The following MTR variants were observed in gnomAD, a reference collection of about 807,000 sequenced individuals.
The protein encoded by MTR is 5-methyltetrahydrofolate-homocysteine methyltransferase, also known as methionine synthase.
A neutral mutation model predicts 154.8 loss-of-function variants in MTR; 84 were observed. The observed-to-expected ratio is 0.54, with a 90% CI of 0.45 to 0.65. MTR has a LOEUF of 0.65. MTR is among the 30% of genes least tolerant of loss of function. The probability of loss-of-function intolerance (pLI) is 0.00; values close to 1 mark genes in which losing one functional copy is unlikely to be tolerated. For missense variants in MTR, 1,275 were observed against 1,570.2 expected (o/e 0.81, Z 3.18); for synonymous variants, 554 against 553.9 (o/e 1.00, Z 0.00).
At chr1:236,876,999 T>C (rs951837639) in intron 24 of MTR, among the ~76,000 whole-genome samples, 7 of 152,248 alleles carry the variant, frequency 4.6e-5, no homozygotes, top group African/African-American at 1.7e-4. Context: ...CTTCTGGTTC[T>C]CTTCTCTTCC....
chr1:236,814,437 G>A (rs762457661), intron 6 of MTR, among the ~76,000 whole-genome samples: 69 of 152,282 alleles, frequency 4.5e-4, no homozygotes, highest in Admixed American at 4.6e-4. Flanking sequence ...CTAAGTTTTC[G>A]AATGTGTGGC....
At chr1:236,825,476 G>T (rs1662237841) in intron 10 of MTR, 77 bp downstream of exon 10, 1 of 1,386,974 alleles carries the variant, frequency 7.2e-7, no homozygotes, top group South Asian at 1.2e-5. Context: ...TTTAGAAGGA[G>T]AATTTTCCCT....
intron 32 of MTR, among the ~76,000 whole-genome samples, 182 bp downstream of exon 32, chr1:236,897,300 C>CCACACACACA (rs1553331006): frequency 6.5e-5 from 2 of 30,714 alleles, no homozygotes; most frequent in Non-Finnish European, 1.7e-4. Flanking sequence ...TACATGCAAG[C>CCACACACACA]CACACACACG....
chr1:236,900,262 C>A lies in MTR; in HGVS notation c.*2618C>A. On this transcript the variant is annotated 3_prime_UTR_variant, in exon 33 of 33. Coordinates refer to ENST00000366577, the MANE Select transcript of MTR (RefSeq NM_000254.3). ...AAATGAGTGAACTACAGCTATACCT[C>A]ACAATAAGAATGAATCTCAGAAAAT... is the stretch of plus-strand genomic sequence containing the variant. 1 of 253,254 alleles carries A rather than the reference C, an allele frequency of 3.9e-6. No homozygotes were observed. Among genetic ancestry groups the A allele is most frequent in the African/African-American group, 2.2e-5 (1 of 44,844 alleles). 15.7% of individuals were successfully genotyped at this position (253,254 alleles called of 1,614,324 possible).
intron 8 of MTR, chr1:236,820,379 C>G (rs1214558310): frequency 1.2e-6 from 1 of 805,768 alleles, no homozygotes; most frequent in African/African-American, 1.7e-5. Context: ...GCAGATTGGT[C>G]TGAGGCATGC....
intron 30 of MTR, chr1:236,894,951 T>C (rs565183691): frequency 1.7e-5 from 6 of 352,580 alleles, no homozygotes; most frequent in South Asian, 2.8e-5. Context: ...TTCATCTTCC[T>C]CTGCATGGAA....
intron 24 of MTR, 24 bp from the exon 25 acceptor site, chr1:236,880,731 T>C: frequency 6.3e-7 from 1 of 1,599,112 alleles, no homozygotes; most frequent in Non-Finnish European, 8.6e-7. Context: ...ATGGATATAT[T>C]TTCTTTCTGA....
chr1:236,837,994 G>A (rs1189993244), intron 14 of MTR, among the ~76,000 whole-genome samples: 1 of 152,000 alleles, frequency 6.6e-6, no homozygotes, highest in African/African-American at 2.4e-5. Flanking sequence ...TAAAGGGAAG[G>A]TTGAATTTGA....
At chr1:236,811,896 T>A (rs888212135) in intron 5 of MTR, among the ~76,000 whole-genome samples, 10 of 152,226 alleles carry the variant, frequency 6.6e-5, no homozygotes, top group Admixed American at 5.9e-4. Flanking sequence ...TCAACGATGT[T>A]ACAAGAGGAC....
At chr1:236,808,665 A>G (rs1318352699) in intron 3 of MTR, 39 bp from the exon 4 acceptor site, 4 of 1,592,952 alleles carry the variant, frequency 2.5e-6, no homozygotes, top group African/African-American at 2.7e-5. Flanking sequence ...TGTGCGGAGG[A>G]AAAGAAGGAC....
At chr1:236,822,555 C>G (rs1662029582) in intron 8 of MTR, among the ~76,000 whole-genome samples, 1 of 152,104 alleles carries the variant, frequency 6.6e-6, no homozygotes, top group Non-Finnish European at 1.5e-5. Context: ...GGTGATCCAC[C>G]TGCCTTGGCC....
intron 8 of MTR, 101 bp from the exon 9 acceptor site, chr1:236,824,018 A>G: frequency 1.0e-6 from 1 of 993,336 alleles, no homozygotes. Flanking sequence ...GAGGAGATTT[A>G]TTATCCACTT....
At chr1:236,890,574 G>T (rs999863727) in intron 28 of MTR, among the ~76,000 whole-genome samples, 2 of 152,180 alleles carry the variant, frequency 1.3e-5, no homozygotes, top group Non-Finnish European at 2.9e-5. Flanking sequence ...AGGATTTACC[G>T]AGTCTGAGTG....
At chr1:236,894,727 C>A (rs1666528383) in intron 30 of MTR, 170 bp downstream of exon 30, 6 of 657,850 alleles carry the variant, frequency 9.1e-6, no homozygotes, top group Admixed American at 2.9e-5. Flanking sequence ...TATTATGTAT[C>A]CCCAGATTGC....
intron 15 of MTR, among the ~76,000 whole-genome samples, chr1:236,847,479 A>G (rs1039026164): frequency 2.6e-5 from 4 of 152,228 alleles, no homozygotes; most frequent in Non-Finnish European, 5.9e-5. Context: ...GAGCTTCTTA[A>G]GTAAAGCCTT....
At chr1:236,863,621 A>T (rs1237157141) in intron 22 of MTR, 67 bp downstream of exon 22, 1 of 1,344,652 alleles carries the variant, frequency 7.4e-7, no homozygotes, top group Non-Finnish European at 1.1e-6. Context: ...TAACAGAATA[A>T]TTCTTCAATG....
At chr1:236,866,280 G>A (rs1624004) in intron 22 of MTR, among the ~76,000 whole-genome samples, 38 of 151,896 alleles carry the variant, frequency 2.5e-4, no homozygotes, top group Non-Finnish European at 2.9e-4. Context: ...CCTTATTATT[G>A]TATCTGTTAT....
In MTR at chr1:236,803,475, A is replaced by G. The variant is rs1660803727; in HGVS notation, c.82A>G (p.Lys28Glu). 2 of 1,614,214 alleles carry G rather than the reference A, an allele frequency of 1.2e-6. No homozygotes were observed. Among genetic ancestry groups the G allele is most frequent in the East Asian group, 4.5e-5 (2 of 44,888 alleles). The change falls in exon 2 of 33, where the codon AAG (lysine) becomes GAG (glutamate). Residue 28 changes from lysine to glutamate, a missense_variant. By Grantham distance (56) the Lys-to-Glu change is moderately conservative. Transcript: ENST00000366577. Reference protein sequence around the residue: ...LRDEINAILQKRIMVLDGGMG... With the variant: ...LRDEINAILQERIMVLDGGMG... ...GGATGAGATCAATGCCATTCTGCAG[A>G]AGAGGATTATGGTGCTGGATGGAGG...
At chr1:236,800,814 G>T (rs1660662207) in intron 1 of MTR, among the ~76,000 whole-genome samples, 1 of 152,138 alleles carries the variant, frequency 6.6e-6, no homozygotes, top group Non-Finnish European at 1.5e-5. Flanking sequence ...GACTTAAGAG[G>T]TCCAGTTCTT....
Sources: allele counts gnomAD v4.1 joint callset (sites outside exome capture counted in the v4.1 genomes callset), GRCh38; gene constraint gnomAD v4.1.1; transcripts MANE v1.5; gene names NCBI Gene and HGNC (gene_info 2026-07-23, HGNC 2026-07-21).